MAP3K14: variants seen among roughly 807,000 people sequenced by gnomAD.
MAP3K14 encodes NF-kappa-beta-inducing kinase.
MAP3K14 carries 16 observed loss-of-function variants against 99.2 expected under a neutral mutation model. The ratio of observed to expected loss-of-function variants is 0.16; its 90% CI spans 0.11 to 0.24. MAP3K14 has a LOEUF of 0.24. MAP3K14 is among the 10% of genes least tolerant of loss of function. MAP3K14 has a pLI of 1.00. For missense variants in MAP3K14, 784 were observed against 1,208.7 expected (o/e 0.65, Z 5.21); for synonymous variants, 462 against 492.4 (o/e 0.94, Z 0.82).
At chr17:45,311,393 T>C (rs2044477654) in intron 1 of MAP3K14, among the ~76,000 whole-genome samples, 1 of 152,204 alleles carries the variant, frequency 6.6e-6, no homozygotes, top group Non-Finnish European at 1.5e-5. Context: ...GCCCTCCTTG[T>C]AGTTGGTCCT....
chr17:45,313,483 T>G (rs2044500972), intron 1 of MAP3K14, among the ~76,000 whole-genome samples: 1 of 152,138 alleles, frequency 6.6e-6, no homozygotes, highest in South Asian at 2.1e-4. Flanking sequence ...ATTAGAGAAG[T>G]GAAGTGATTT....
At chr17:45,283,004 T>C (rs531571997) in intron 6 of MAP3K14, among the ~76,000 whole-genome samples, 21 of 152,340 alleles carry the variant, frequency 1.4e-4, no homozygotes, top group Non-Finnish European at 2.5e-4. Flanking sequence ...GCAGCTCTGG[T>C]GCTGAGAAGT....
Position 45,274,475 on chromosome 17 carries a change from T to A in MAP3K14, c.1409A>T (p.Glu470Val). The A allele has an allele frequency of 6.2e-7, 1 of 1,613,890 alleles. No individual in the cohort carries two copies. Among genetic ancestry groups the A allele is most frequent in the South Asian group, 1.1e-5 (1 of 91,046 alleles). The change falls in exon 7 of 16, where the codon GAG becomes GTG. Residue 470 changes from glutamate to valine, a missense_variant. This residue lies in a region of MAP3K14 where 200 missense variants were observed against 367.9 expected (regional missense o/e 0.54). Transcript: ENST00000344686. ...ACCTGGCTCCTTACCTTCCAGCAGC[T>A]CCATGAAGATGTTGACCCAAGGCCC... ...REGPWVNIFM[E>V]LLEGGSLGQL...
At position 45,267,501 on chromosome 17, in the gene MAP3K14, G is replaced by C; in HGVS notation, c.2231C>G (p.Pro744Arg). 6.2e-7 allele frequency: 1 copy of C among 1,612,888 alleles called. No individual in the cohort carries two copies. The highest frequency in any genetic ancestry group is 8.5e-7 in the Non-Finnish European group (1 of 1,179,392). The change falls in exon 12 of 16, where the codon CCT becomes CGT. Residue 744 changes from proline (P) to arginine (R), a missense_variant. Pro to Arg is a moderately radical substitution (Grantham distance 103). This residue lies in a region of MAP3K14 where 128 missense variants were observed against 143.3 expected (regional missense o/e 0.89). Coordinates refer to ENST00000344686, the MANE Select transcript of MAP3K14 (RefSeq NM_003954.5). This position sits in a 1 kb window ranked among gnomAD's most constrained non-coding sequence, Gnocchi z 5.1. ...KEESGMWEPL[P>R]LSSLEPAPAR... ...AGGGGCTGGCTCCAGGGAGGACAGA[G>C]GTAAGGGTTCCCACATCCCAGACTC...
rs1283672785 is a variant in MAP3K14, at chr17:45,312,079, G to A, written c.-21+4881C>T. ...TGATTTGTGGCAGAGGGCTCCTCAC[G>A]AAGGTCTGCTCAGGACTTTCTCTGC... On this transcript the variant is annotated intron_variant, in intron 1 of 15. Transcript: ENST00000344686. 2.6e-5 allele frequency among the ~76,000 whole-genome samples: 4 copies of A among 152,204 alleles called. No individual in the cohort carries two copies. In the East Asian group the frequency reaches 5.8e-4, roughly 22 times the overall value.
At chr17:45,281,282 A>G (rs188674865) in intron 6 of MAP3K14, among the ~76,000 whole-genome samples, 1 of 150,028 alleles carries the variant, frequency 6.7e-6, no homozygotes, top group African/African-American at 2.5e-5. Flanking sequence ...CTTTGTAGAG[A>G]TGGGGTCTCT....
At chr17:45,270,655 T>A in intron 10 of MAP3K14, 92 bp from the exon 11 acceptor site, 1 of 1,419,600 alleles carries the variant, frequency 7.0e-7, no homozygotes, top group South Asian at 1.5e-5. Flanking sequence ...CGCCGGCCCC[T>A]GTTCCCGCTG....
chr17:45,266,506 G>C (rs776686902), intron 14 of MAP3K14, 31 bp downstream of exon 14: 2 of 1,580,902 alleles, frequency 1.3e-6, no homozygotes, highest in Non-Finnish European at 1.7e-6. Context: ...CTGCCACGGG[G>C]ACTGCTGAGC....
intron 6 of MAP3K14, among the ~76,000 whole-genome samples, chr17:45,276,656 C>T (rs2044182338): frequency 6.6e-6 from 1 of 151,568 alleles, no homozygotes; most frequent in South Asian, 2.1e-4. Context: ...GGATTACAGG[C>T]ACCTGCCACT....
chr17:45,284,636 G>A (rs777613017), intron 6 of MAP3K14, among the ~76,000 whole-genome samples, 176 bp downstream of exon 6: 9 of 152,182 alleles, frequency 5.9e-5, no homozygotes, highest in Non-Finnish European at 2.9e-5. Flanking sequence ...GCCAGGACAC[G>A]TGACAGGCTG....
At chr17:45,315,238 C>T (rs1198134223) in intron 1 of MAP3K14, among the ~76,000 whole-genome samples, 2 of 152,052 alleles carry the variant, frequency 1.3e-5, no homozygotes, top group Admixed American at 6.5e-5. Flanking sequence ...GGCAGGGTCT[C>T]TGTGGTGCCG....
chr17:45,266,310 A>T, intron 14 of MAP3K14: 1 of 469,626 alleles, frequency 2.1e-6, no homozygotes, highest in East Asian at 3.2e-5. Context: ...TCAACTGACA[A>T]TGAGGGGATA....
chr17:45,290,563 C>T lies in MAP3K14; in HGVS notation c.183G>A (p.Val61=), dbSNP rs1201767766. 7 of 1,613,912 alleles carry T rather than the reference C, an allele frequency of 4.3e-6. No individual in the cohort carries two copies. Among genetic ancestry groups the T allele is most frequent in the Non-Finnish European group, 5.9e-6 (7 of 1,179,870 alleles). The change falls in exon 2 of 16, where the codon GTG becomes GTA. Residue 61 remains valine (V), a synonymous_variant. Coordinates refer to ENST00000344686, the MANE Select transcript of MAP3K14 (RefSeq NM_003954.5). The part of the protein sequence containing the change: ...FCGKWEILND[V]ITKGTAKEGS... The stretch of plus-strand genomic sequence containing the variant: ...CTTCCTTGGCTGTGCCCTTGGTAAT[C>T]ACGTCATTCAGGATCTCCCACTTTC...
Position 45,265,254 on chromosome 17 carries a change from A to C in MAP3K14, c.2588T>G (p.Val863Gly). The change falls in exon 15 of 16, where the codon GTC becomes GGC. Residue 863 changes from valine to glycine, a missense_variant. Around this residue, in one of 5 missense-constraint regions of MAP3K14, gnomAD observed 130 missense variants for 220.4 expected, o/e 0.59. Coordinates refer to ENST00000344686, the MANE Select transcript of MAP3K14 (RefSeq NM_003954.5). ...TTCACCATTAAGAGACTGTATTTGGACTTTCACACCTAGAAGGCGGACAAG... is the reference window on the plus strand; with the variant it reads ...TTCACCATTAAGAGACTGTATTTGGCCTTTCACACCTAGAAGGCGGACAAG... ...DTPSYFNGVKVQIQSLNGEHL... is the reference protein window; with the variant it reads ...DTPSYFNGVKGQIQSLNGEHL... 1 of 1,612,086 alleles carries C rather than the reference A, an allele frequency of 6.2e-7. No individual in the cohort carries two copies. Among genetic ancestry groups the C allele is most frequent in the Non-Finnish European group, 8.5e-7 (1 of 1,178,336 alleles).
intron 9 of MAP3K14, among the ~76,000 whole-genome samples, chr17:45,273,228 G>A (rs1456192778): frequency 2.0e-5 from 3 of 152,212 alleles, no homozygotes; most frequent in Admixed American, 6.5e-5. Context: ...TAGGAGCCAC[G>A]GGGACTCCAA....
In MAP3K14 at chr17:45,283,931, G is replaced by A. The variant is rs11574824; in HGVS notation, c.1290+881C>T. Reference sequence around the variant, plus strand: ...CAATCAAGATGATCTGAGAGTTGGGGGTGGGGGAAAGGTTGGTGACAGGGA... The same window carrying A: ...CAATCAAGATGATCTGAGAGTTGGGAGTGGGGGAAAGGTTGGTGACAGGGA... On this transcript the variant is annotated intron_variant, in intron 6 of 15. Transcript: ENST00000344686. Among the ~76,000 whole-genome samples, 1,138 of 152,232 alleles carry A rather than the reference G, an allele frequency of 7.5e-3. 7 individuals carry two copies. The highest frequency in any genetic ancestry group is 0.013 in the Non-Finnish European group (892 of 68,024).
rs535998041 is a variant in MAP3K14, at chr17:45,274,489, G to C, written c.1395C>G (p.Val465=). 1.2e-6 allele frequency: 2 copies of C among 1,613,970 alleles called. No individual in the cohort carries two copies. The highest frequency in any genetic ancestry group is 1.7e-5 in the Admixed American group (1 of 60,020). Residue 465 remains valine, a synonymous_variant, in exon 7 of 16, where the codon GTC becomes GTG. Transcript: ENST00000344686. ...CTTCCAGCAGCTCCATGAAGATGTT[G>C]ACCCAAGGCCCTTCTCTCACAGCTC... is the stretch of plus-strand genomic sequence containing the variant. ...LYGAVREGPW[V]NIFMELLEGG... is the part of the protein sequence containing the mutation.
rs778219067 is a variant in MAP3K14 at position 45,267,808 on chromosome 17, C to T, written c.1973-49G>A. On this transcript the variant is annotated intron_variant, in intron 11 of 15. Coordinates refer to ENST00000344686, the MANE Select transcript of MAP3K14 (RefSeq NM_003954.5). This position sits in a 1 kb window ranked among gnomAD's most constrained non-coding sequence, Gnocchi z 5.1. ...TGAGGGGAAGCGTGCTGTGCACAGA[C>T]AGCGGTCCAGGCAGGAGCGGCCTCT... The T allele has an allele frequency of 3.3e-6, 5 of 1,527,022 alleles. No homozygotes were observed. Among genetic ancestry groups the T allele is most frequent in the South Asian group, 2.3e-5 (2 of 87,030 alleles). 94.6% of individuals were successfully genotyped at this position (1,527,022 alleles called of 1,614,324 possible). A position where few individuals can be genotyped will look rare whatever the true frequency, so the allele number is the denominator to read the frequency against.
intron 10 of MAP3K14, 23 bp from the exon 11 acceptor site, chr17:45,270,586 T>A (rs2044135035): frequency 5.9e-6 from 9 of 1,529,384 alleles, no homozygotes; most frequent in Non-Finnish European, 7.9e-6. Context: ...AGACAACAGG[T>A]GAGGCCTGCC....
Sources: gnomAD v4.1 joint callset for allele counts (sites outside exome capture counted in the v4.1 genomes callset) on GRCh38, gnomAD v4.1.1 for gene constraint, gnomAD v4.1.1 regional missense constraint, Gnocchi (gnomAD v3.1) non-coding constraint, MANE v1.5 for transcripts, NCBI Gene and HGNC (gene_info 2026-07-23, HGNC 2026-07-21) for gene names.